PABPC4: variants seen among roughly 807,000 people sequenced by gnomAD.
PABPC4 encodes the protein polyadenylate-binding protein 4.
PABPC4 carries 15 observed loss-of-function variants against 74.5 expected under a neutral mutation model. The ratio of observed to expected loss-of-function variants is 0.20; its 90% CI spans 0.13 to 0.31. The LOEUF (loss-of-function observed/expected upper bound fraction) is 0.31, where lower values mean the gene tolerates loss of function less well. PABPC4 is among the 10% of genes least tolerant of loss of function. PABPC4 has a pLI of 1.00. For synonymous variants in PABPC4, 345 were observed against 303.0 expected, an observed-to-expected ratio of 1.14 and a Z score of -1.44; for missense variants, 610 against 853.5, an observed-to-expected ratio of 0.71 and a Z score of 3.55.
Position 39,569,853 on chromosome 1 carries a change from C to G in PABPC4, c.643+10G>C. 6.2e-7 allele frequency: 1 copy of G among 1,613,534 alleles called. No individual in the cohort carries two copies. On this transcript the variant is annotated intron_variant, in intron 4 of 15. Coordinates refer to ENST00000372858, the MANE Select transcript of PABPC4 (RefSeq NM_001135653.2). ...TAGACTGTGAAAGGAGACAAGGAAC[C>G]CCAACTTACCAAACTGACTGAATAG... is the stretch of plus-strand genomic sequence containing the variant.
At chr1:39,574,591 A>G (rs1645989959) in intron 1 of PABPC4, among the ~76,000 whole-genome samples, 1 of 152,250 alleles carries the variant, frequency 6.6e-6, no homozygotes, top group African/African-American at 2.4e-5. Flanking sequence ...GGCCATGGAC[A>G]GAACTCAGCT....
At chr1:39,568,353 T>C in intron 6 of PABPC4, 1 of 164,086 alleles carries the variant, frequency 6.1e-6, no homozygotes, top group Non-Finnish European at 1.3e-5. Context: ...GCTATCTGTT[T>C]TAACAAGCTC....
At chr1:39,564,895 A>C (rs1284735076) in intron 8 of PABPC4, 122 bp from the exon 9 acceptor site, 1 of 911,912 alleles carries the variant, frequency 1.1e-6, no homozygotes, top group Non-Finnish European at 1.7e-6. Context: ...TCTATTCAAG[A>C]GCTGAGGGGT....
intron 7 of PABPC4, among the ~76,000 whole-genome samples, chr1:39,567,057 T>G (rs1427719034): frequency 1.3e-5 from 2 of 152,178 alleles, no homozygotes; most frequent in Non-Finnish European, 2.9e-5. Flanking sequence ...GACCGGCGTC[T>G]GCATCCGGCC....
At chr1:39,573,770 G>T (rs1388240553) in intron 1 of PABPC4, among the ~76,000 whole-genome samples, 1 of 152,178 alleles carries the variant, frequency 6.6e-6, no homozygotes, top group East Asian at 1.9e-4. Context: ...AGTGAGCTGA[G>T]ATCGCGCCAT....
chr1:39,561,212 G>GA (rs1288331131), intron 15 of PABPC4, 90 bp from the exon 16 acceptor site: 1 of 455,376 alleles, frequency 2.2e-6, no homozygotes, highest in Non-Finnish European at 4.5e-6. Flanking sequence ...TATTCTAGAA[G>GA]AGAGTTTCTC....
Sources: allele counts gnomAD v4.1 joint callset (sites outside exome capture counted in the v4.1 genomes callset), GRCh38; gene constraint gnomAD v4.1.1; transcripts MANE v1.5; gene names NCBI Gene and HGNC (gene_info 2026-07-23, HGNC 2026-07-21).